The following RASGRP3 variants were observed in gnomAD, a reference collection of about 807,000 sequenced individuals.
The protein encoded by RASGRP3 is RAS guanyl releasing protein 3.
RASGRP3 carries 54 observed loss-of-function variants against 82.7 expected under a neutral mutation model. The ratio of observed to expected loss-of-function variants is 0.65; its 90% confidence interval spans 0.52 to 0.82. The LOEUF (loss-of-function observed/expected upper bound fraction) is 0.82. Among genes scored for constraint, RASGRP3 ranks in the 40% least tolerant of loss-of-function variants. RASGRP3 has a pLI of 0.00. For synonymous variants in RASGRP3, 309 were observed against 300.5 expected (o/e 1.03, Z -0.29); for missense variants, 861 against 828.9 (o/e 1.04, Z -0.48).
intron 4 of RASGRP3, among the ~76,000 whole-genome samples, chr2:33,519,359 G>A (rs1671781334): frequency 6.6e-6 from 1 of 152,182 alleles, no homozygotes; most frequent in African/African-American, 2.4e-5. Flanking sequence ...GCTCACACCT[G>A]TAATCCCAGC....
chr2:33,518,828 T>C (rs1452439076), intron 4 of RASGRP3, among the ~76,000 whole-genome samples: 2 of 152,166 alleles, frequency 1.3e-5, no homozygotes, highest in Admixed American at 6.5e-5. Flanking sequence ...TCCACCTCTA[T>C]CTCTTGTTCC....
At chr2:33,505,668 C>T (rs1026052322) in intron 1 of RASGRP3, among the ~76,000 whole-genome samples, 1 of 152,088 alleles carries the variant, frequency 6.6e-6, no homozygotes, top group African/African-American at 2.4e-5. Context: ...ATGATTTTCC[C>T]GAAGTTTAAA....
At chr2:33,528,899 C>A (rs1056809651) in intron 10 of RASGRP3, among the ~76,000 whole-genome samples, 2 of 152,030 alleles carry the variant, frequency 1.3e-5, no homozygotes, top group Non-Finnish European at 2.9e-5. Context: ...AATGATTTGC[C>A]ATGTAAATCT....
At chr2:33,464,385 G>T (rs913406327) in intron 2 of RASGRP3, among the ~76,000 whole-genome samples, 1 of 150,720 alleles carries the variant, frequency 6.6e-6, no homozygotes, top group Non-Finnish European at 1.5e-5. Flanking sequence ...CTCCCAAAGC[G>T]CTGGGATTAC....
At chr2:33,494,485 A>C (rs1002605655) in intron 1 of RASGRP3, among the ~76,000 whole-genome samples, 1 of 152,204 alleles carries the variant, frequency 6.6e-6, no homozygotes, top group East Asian at 1.9e-4. Flanking sequence ...AATTATCCCA[A>C]AGGGTCTACC....
At chr2:33,458,850 A>C (rs1666189369) in intron 2 of RASGRP3, among the ~76,000 whole-genome samples, 1 of 152,212 alleles carries the variant, frequency 6.6e-6, no homozygotes, top group Non-Finnish European at 1.5e-5. Flanking sequence ...CCCACTCGGC[A>C]GTTGATTCCA....
At chr2:33,481,571 C>G (rs1302671396) in intron 1 of RASGRP3, 3 of 152,196 alleles carry the variant, frequency 2.0e-5, no homozygotes, top group African/African-American at 4.8e-5. Context: ...TTTGTATTCT[C>G]TTCAGATAGG....
At chr2:33,559,654 T>TAACA (rs1482823600) in intron 17 of RASGRP3, 3 of 518,244 alleles carry the variant, frequency 5.8e-6, no homozygotes, top group South Asian at 4.2e-5. Context: ...ATTTATTAGT[T>TAACA]AACAGTCTAT....
At chr2:33,522,574 C>T (rs746493633) in intron 7 of RASGRP3, among the ~76,000 whole-genome samples, 11 of 152,168 alleles carry the variant, frequency 7.2e-5, no homozygotes, top group Non-Finnish European at 1.5e-4. Flanking sequence ...GATAGAGATC[C>T]TGAATTAAAC....
At chr2:33,438,652 A>G (rs1006110540) in intron 1 of RASGRP3, among the ~76,000 whole-genome samples, 9 of 152,156 alleles carry the variant, frequency 5.9e-5, no homozygotes, top group African/African-American at 1.9e-4. Context: ...CGGTAGTTCT[A>G]CAGATTGTTT....
chr2:33,504,930 C>T (rs919198254), intron 1 of RASGRP3, among the ~76,000 whole-genome samples: 1 of 152,178 alleles, frequency 6.6e-6, no homozygotes, highest in Non-Finnish European at 1.5e-5. Context: ...AGTCAATAAC[C>T]AGCTCAGAGC....
chr2:33,517,450 A>AGAGAGGCACAGCCTTAGAGG (rs1345769652), intron 4 of RASGRP3, among the ~76,000 whole-genome samples: 2 of 152,320 alleles, frequency 1.3e-5, no homozygotes, highest in Non-Finnish European at 2.9e-5. Context: ...AGCCTTAGAG[A>AGAGAGGCACAGCCTTAGAGG]GAGAGGCACA....
intron 11 of RASGRP3, 117 bp downstream of exon 11, chr2:33,534,517 A>T: frequency 1.3e-6 from 1 of 757,120 alleles, no homozygotes; most frequent in South Asian, 1.8e-5. Context: ...AAAAATTGAC[A>T]TTATTCTTTC....
At chr2:33,497,719 T>G (rs912666183) in intron 1 of RASGRP3, among the ~76,000 whole-genome samples, 4 of 152,208 alleles carry the variant, frequency 2.6e-5, no homozygotes, top group African/African-American at 9.6e-5. Flanking sequence ...CTTGAGTACT[T>G]TCGGTATGTG....
At chr2:33,543,735 G>C (rs1674485822) in intron 13 of RASGRP3, 108 bp downstream of exon 13, 3 of 748,422 alleles carry the variant, frequency 4.0e-6, no homozygotes, top group Non-Finnish European at 6.5e-6. Flanking sequence ...CTTCAACCCT[G>C]GTGCTTTGAT....
chr2:33,544,181 G>A (rs149817067), intron 13 of RASGRP3, among the ~76,000 whole-genome samples: 3,239 of 152,186 alleles, frequency 0.021, 116 homozygotes, highest in African/African-American at 0.075. Flanking sequence ...GGGCATGGTG[G>A]CACAGGCCTG....
intron 1 of RASGRP3, among the ~76,000 whole-genome samples, chr2:33,440,255 C>A (rs1417634348): frequency 6.6e-6 from 1 of 152,220 alleles, no homozygotes; most frequent in Non-Finnish European, 1.5e-5. Context: ...TAAGCACTTA[C>A]TCGATGTCAA....
At chr2:33,522,278 T>G (rs999835799) in intron 7 of RASGRP3, among the ~76,000 whole-genome samples, 176 bp downstream of exon 7, 1 of 152,168 alleles carries the variant, frequency 6.6e-6, no homozygotes, top group East Asian at 1.9e-4. Context: ...TATCCTGTCT[T>G]TATTTTATGG....
chr2:33,516,214 C>T (rs1458762446), intron 3 of RASGRP3, among the ~76,000 whole-genome samples: 19 of 152,232 alleles, frequency 1.2e-4, no homozygotes, highest in Non-Finnish European at 2.9e-5. Flanking sequence ...TCAAGACCAG[C>T]CTGACCAATA....
Sources: allele counts gnomAD v4.1 joint callset (sites outside exome capture counted in the v4.1 genomes callset), GRCh38; gene constraint gnomAD v4.1.1; transcripts MANE v1.5; gene names NCBI Gene and HGNC (gene_info 2026-07-23, HGNC 2026-07-21).